EPG5: variants seen among roughly 807,000 people sequenced by gnomAD.
EPG5 encodes the protein ectopic P-granules 5 autophagy tethering factor.
EPG5 carries 159 observed loss-of-function variants against 302.7 expected under a neutral mutation model. The ratio of observed to expected loss-of-function variants is 0.53; its 90% confidence interval spans 0.46 to 0.60. The LOEUF (loss-of-function observed/expected upper bound fraction) is 0.60, where lower values mean the gene tolerates loss of function less well. EPG5 is among the 20% of genes least tolerant of loss of function. The probability of loss-of-function intolerance (pLI) is 0.00; values close to 1 mark genes in which losing one functional copy is unlikely to be tolerated. For missense variants in EPG5, 2,896 were observed against 3,092.4 expected (o/e 0.94, Z 1.51); for synonymous variants, 1,158 against 1,136.8 (o/e 1.02, Z -0.37).
downstream of EPG5, chr18:45,843,997 T>A (rs1211342163): frequency 6.6e-6 from 1 of 152,216 alleles, no homozygotes; most frequent in Non-Finnish European, 1.5e-5. Context: ...GCAGCACTAT[T>A]TGCAATAGCC....
At position 45,852,096 on chromosome 18, in the gene EPG5, A is replaced by G. The variant is rs2048430683; in HGVS notation, c.*371T>C. 1 of 166,408 alleles carries G rather than the reference A, an allele frequency of 6.0e-6. No individual in the cohort carries two copies. The highest frequency in any genetic ancestry group is 6.3e-5 in the Admixed American group (1 of 15,912). 10.3% of individuals were successfully genotyped at this position (166,408 alleles called of 1,614,324 possible). A position where few individuals can be genotyped will look rare whatever the true frequency, so the allele number is the denominator to read the frequency against. The stretch of plus-strand genomic sequence containing the variant: ...TGACTTCCAAGGTTGTCAGATCTGG[A>G]ACATTTACATAAAACAGAGACAGAA... On this transcript the variant is annotated 3_prime_UTR_variant, in exon 44 of 44. Coordinates refer to ENST00000282041, the MANE Select transcript of EPG5 (RefSeq NM_020964.3).
At chr18:45,826,902 G>T in the EPG5 span, among the ~76,000 whole-genome samples, 2 of 152,120 alleles carry the variant, frequency 1.3e-5, no homozygotes, top group African/African-American at 4.8e-5. Context: ...CTATGAGAAA[G>T]GAACTCTGTT....
In EPG5 at chr18:45,951,081, T is replaced by G. The variant is rs747991783; in HGVS notation, c.1389+21A>C. Reference sequence around the variant, plus strand: ...GAAAGAAATAAAACAAAGACTACTGTGTCTATCTCTGTCCCCTTACCAATT... The same window carrying G: ...GAAAGAAATAAAACAAAGACTACTGGGTCTATCTCTGTCCCCTTACCAATT... On this transcript the variant is annotated intron_variant, in intron 4 of 43. Transcript: ENST00000282041. 5 of 1,505,408 alleles carry G rather than the reference T, an allele frequency of 3.3e-6. No individual in the cohort carries two copies. In the African/African-American group the frequency reaches 5.6e-5, roughly 17 times the overall value. The allele number at this position is 1,505,408 out of a possible 1,614,324, so 93.3% of individuals were successfully genotyped here.
chr18:45,937,531 C>T (rs957999264), intron 10 of EPG5, among the ~76,000 whole-genome samples: 7 of 151,938 alleles, frequency 4.6e-5, no homozygotes, highest in African/African-American at 1.5e-4. Flanking sequence ...CTCAGCCTCC[C>T]GAGTAGCTGG....
chr18:45,943,838 G>A lies in EPG5; in HGVS notation c.1792+167C>T, dbSNP rs556879035. Among the ~76,000 whole-genome samples the A allele has an allele frequency of 2.3e-4, 35 of 151,990 alleles. No individual in the cohort carries two copies. The South Asian group carries it at 4.2e-3, about 18-fold the overall frequency. On this transcript the variant is annotated intron_variant, in intron 8 of 43. Transcript: ENST00000282041. ...CGGGAGGCTGAGGCAGGAGAATGGC[G>A]TGAACCTGGGAGGCAGAGCTTGCAG...
Position 45,922,416 on chromosome 18 carries a change from G to A in EPG5, c.3023C>T (p.Pro1008Leu). The change falls in exon 16 of 44, where the codon CCT becomes CTT. Residue 1008 changes from proline to leucine, a missense_variant. This residue lies in a region of EPG5 where 1,390 missense variants were observed against 1,430.0 expected (regional missense o/e 0.97). Coordinates refer to ENST00000282041, the MANE Select transcript of EPG5 (RefSeq NM_020964.3). ...GCCCGCTTTCACAGCCTTCAAGAGA[G>A]GATGAAACGTGGGTGACTCTGTCAT... ...PDMTESPTFH[P>L]LLKAVKAGMP... The A allele has an allele frequency of 3.1e-6, 5 of 1,614,216 alleles. No homozygotes were observed. The highest frequency in any genetic ancestry group is 1.1e-5 in the South Asian group (1 of 91,078).
chr18:45,839,201 T>A, the EPG5 span: 1 of 1,314,248 alleles, frequency 7.6e-7, no homozygotes, highest in Non-Finnish European at 9.7e-7. Flanking sequence ...AATGTCGGTT[T>A]TTTTGCCCTA....
At chr18:45,928,251 T>C (rs2050321279) in intron 13 of EPG5, among the ~76,000 whole-genome samples, 1 of 152,102 alleles carries the variant, frequency 6.6e-6, no homozygotes, top group South Asian at 2.1e-4. Context: ...CTAAGGGTTT[T>C]TGAGGTGATG....
chr18:45,952,755 A>C lies in EPG5; in HGVS notation c.1009-112T>G, dbSNP rs894152072. The C allele has an allele frequency of 6.0e-5, 68 of 1,129,816 alleles. No individual in the cohort carries two copies. In the Middle Eastern group the frequency reaches 8.7e-4, roughly 14 times the overall value. The allele number at this position is 1,129,816 out of a possible 1,614,324, so 70.0% of individuals were successfully genotyped here. A position where few individuals can be genotyped will look rare whatever the true frequency, so the allele number is the denominator to read the frequency against. The stretch of plus-strand genomic sequence containing the variant: ...TCAGTACCATCTTCAAAGAGCTTAT[A>C]ATCATGGTGAGGAGACATATTACTG... On this transcript the variant is annotated intron_variant, in intron 2 of 43. Coordinates refer to ENST00000282041, the MANE Select transcript of EPG5 (RefSeq NM_020964.3).
chr18:45,928,870 A>T lies in EPG5; in HGVS notation c.2552T>A (p.Met851Lys). 1 of 1,612,034 alleles carries T rather than the reference A, an allele frequency of 6.2e-7. No individual in the cohort carries two copies. The highest frequency in any genetic ancestry group is 8.5e-7 in the Non-Finnish European group (1 of 1,179,598). ...RVQETIDQVG[M>K]VSLYLFKELP... ...AACAAACAAAATCAGTGCTCTTACC[A>T]TTCCAACCTGGTCAATGGTCTCTTG... is the stretch of plus-strand genomic sequence containing the variant. The change falls in exon 13 of 44, where the codon ATG becomes AAG. Residue 851 changes from methionine to lysine, a missense_variant and splice_region_variant. Met to Lys is a moderately conservative substitution (Grantham distance 95). This residue lies in a region of EPG5 where 1,390 missense variants were observed against 1,430.0 expected (regional missense o/e 0.97). Transcript: ENST00000282041.
At chr18:45,899,382 C>T (rs201360825) in intron 27 of EPG5, 22 bp downstream of exon 27, 1 of 1,613,434 alleles carries the variant, frequency 6.2e-7, no homozygotes, top group Non-Finnish European at 8.5e-7. Context: ...TCTCTCAGTT[C>T]TGAAGAAATT....
chr18:45,876,786 A>T (rs1048347886), intron 34 of EPG5, among the ~76,000 whole-genome samples: 4 of 146,572 alleles, frequency 2.7e-5, no homozygotes, highest in Admixed American at 6.8e-5. Context: ...AGCAAATAAA[A>T]TTTTTTTTTT....
rs181607055 is a variant in EPG5 at position 45,933,314 on chromosome 18, G to A, written c.2257+1495C>T. Among the ~76,000 whole-genome samples, 28 of 152,124 alleles carry A rather than the reference G, an allele frequency of 1.8e-4. No individual in the cohort carries two copies. The East Asian group carries it at 4.8e-3, about 26-fold the overall frequency. ...GAAGATAGAAAGAAAAACAGAAAGG[G>A]ACAAAAGAGGACGCATGCAGAGCCC... On this transcript the variant is annotated intron_variant, in intron 11 of 43. Coordinates refer to ENST00000282041, the MANE Select transcript of EPG5 (RefSeq NM_020964.3).
In EPG5 at chr18:45,860,256, T is replaced by C; in HGVS notation, c.6857A>G (p.Glu2286Gly). The change falls in exon 40 of 44, where the codon GAG (glutamate) becomes GGG (glycine). Residue 2286 changes from glutamate to glycine, a missense_variant. Physicochemically the swap from Glu to Gly is moderately conservative, Grantham distance 98. Transcript: ENST00000282041. ...GGTCCGGATACTGCCCCGAAGGAAC[T>C]CTGCTGTTGGAATAGTCGCGTTGTT... is the stretch of plus-strand genomic sequence containing the variant. Reference protein sequence around the residue: ...MMNNATIPTAEFLRGSIRTWI... With the variant: ...MMNNATIPTAGFLRGSIRTWI... 6.2e-7 allele frequency: 1 copy of C among 1,614,234 alleles called. No homozygotes were observed. Among genetic ancestry groups the C allele is most frequent in the Non-Finnish European group, 8.5e-7 (1 of 1,180,032 alleles).
At position 45,954,650 on chromosome 18, in the gene EPG5, T is replaced by A. The variant is rs764715323; in HGVS notation, c.752A>T (p.Glu251Val). 3.6e-5 allele frequency: 58 copies of A among 1,614,144 alleles called. No individual in the cohort carries two copies. Among genetic ancestry groups the A allele is most frequent in the Non-Finnish European group, 4.8e-5 (57 of 1,180,054 alleles). ...CTGTTCTTTAGTAAATGGTACTAGT[T>A]CCAGTTGAGACGGGAGTTCTGGGTA... ...RLYPELPSQLELVPFTKEQLK... is the reference protein window; with the variant it reads ...RLYPELPSQLVLVPFTKEQLK... Residue 251 changes from glutamate (E) to valine (V), a missense_variant, in exon 2 of 44, where the codon GAA becomes GTA. Transcript: ENST00000282041.
intron 30 of EPG5, among the ~76,000 whole-genome samples, chr18:45,882,981 T>C (rs1462410385): frequency 7.3e-6 from 1 of 137,572 alleles, no homozygotes; most frequent in Admixed American, 8.1e-5. Context: ...CACTCCAGCC[T>C]GGGCAACAAG....
intron 42 of EPG5, among the ~76,000 whole-genome samples, 193 bp from the exon 43 acceptor site, chr18:45,855,880 T>C (rs934479802): frequency 6.6e-6 from 1 of 152,188 alleles, no homozygotes; most frequent in Non-Finnish European, 1.5e-5. Flanking sequence ...ACAATATATG[T>C]ATAATTCAGA....
At chr18:45,813,284 G>A in the EPG5 span, among the ~76,000 whole-genome samples, 1 of 152,190 alleles carries the variant, frequency 6.6e-6, no homozygotes, top group Admixed American at 6.5e-5. Flanking sequence ...TGGAGAGGAT[G>A]TGGAGAAATA....
At chr18:45,957,945 T>C (rs1337748451) in intron 1 of EPG5, among the ~76,000 whole-genome samples, 1 of 152,186 alleles carries the variant, frequency 6.6e-6, no homozygotes, top group Non-Finnish European at 1.5e-5. Context: ...TCCTCCAGGT[T>C]ATACACCTGG....
Sources: gnomAD v4.1 joint callset for allele counts (sites outside exome capture counted in the v4.1 genomes callset) on GRCh38, gnomAD v4.1.1 for gene constraint, gnomAD v4.1.1 regional missense constraint, MANE v1.5 for transcripts, NCBI Gene and HGNC (gene_info 2026-07-23, HGNC 2026-07-21) for gene names.